FKBP15: variants seen among roughly 807,000 people sequenced by gnomAD.
FKBP15 encodes the protein FK506-binding protein 15.
In FKBP15, 106 loss-of-function variants were observed where a neutral mutation model predicts 158.1. That is an observed-to-expected ratio of 0.67 (90% confidence interval 0.57 to 0.79). The LOEUF is 0.79. Among genes scored for constraint, FKBP15 ranks in the 30% least tolerant of loss-of-function variants. The pLI is 0.00. For synonymous variants in FKBP15, 547 were observed against 548.6 expected (o/e 1.00, Z 0.04); for missense variants, 1,287 against 1,479.1 (o/e 0.87, Z 2.13).
At chr9:113,212,518 C>T (rs1037894777) in intron 1 of FKBP15, among the ~76,000 whole-genome samples, 3 of 152,114 alleles carry the variant, frequency 2.0e-5, no homozygotes, top group African/African-American at 7.2e-5. Flanking sequence ...GCTACTAACC[C>T]CAGTTTACCA....
intron 4 of FKBP15, among the ~76,000 whole-genome samples, chr9:113,204,575 G>T (rs1028001942): frequency 3.3e-5 from 5 of 152,166 alleles, no homozygotes; most frequent in African/African-American, 9.7e-5. Context: ...GTACTTTAAA[G>T]ATATAATTCT....
chr9:113,161,485 C>T lies in FKBP15; in HGVS notation c.*4593G>A, dbSNP rs748062090. 104 of 1,612,588 alleles carry T rather than the reference C, an allele frequency of 6.4e-5. No homozygotes were observed. The highest frequency in any genetic ancestry group is 7.5e-5 in the Non-Finnish European group (88 of 1,179,314). On this transcript the variant is annotated 3_prime_UTR_variant, in exon 28 of 28. Transcript: ENST00000238256. ...AAACAGTGCTGGCCTGGCCAGGTCTCCACAACTCTGCCTCCTTTGACAGGC... is the reference window on the plus strand; with the variant it reads ...AAACAGTGCTGGCCTGGCCAGGTCTTCACAACTCTGCCTCCTTTGACAGGC...
intron 14 of FKBP15, 51 bp from the exon 15 acceptor site, chr9:113,186,414 T>G: frequency 7.6e-7 from 1 of 1,318,052 alleles, no homozygotes; most frequent in Non-Finnish European, 1.1e-6. Flanking sequence ...ATGTCTTTCT[T>G]TTTTGTTCAC....
At chr9:113,186,059 ACTAAAAC>A (rs761680004) in intron 15 of FKBP15, among the ~76,000 whole-genome samples, 183 bp downstream of exon 15, 2 of 152,250 alleles carry the variant, frequency 1.3e-5, no homozygotes, top group African/African-American at 2.4e-5. Flanking sequence ...CTGCAAATTT[ACTAAAAC>A]ACTTTTGAAT....
At chr9:113,175,975 C>G (rs769589261) in intron 21 of FKBP15, among the ~76,000 whole-genome samples, 3 of 152,130 alleles carry the variant, frequency 2.0e-5, no homozygotes, top group Admixed American at 6.5e-5. Context: ...AAATATGTAG[C>G]CTTCCCTTTG....
At chr9:113,216,449 G>A (rs533135115) in intron 1 of FKBP15, among the ~76,000 whole-genome samples, 1 of 152,302 alleles carries the variant, frequency 6.6e-6, no homozygotes, top group East Asian at 1.9e-4. Flanking sequence ...AAAGGACTAA[G>A]AGGTTTAAAT....
intron 1 of FKBP15, among the ~76,000 whole-genome samples, chr9:113,217,259 C>T (rs909231117): frequency 2.9e-5 from 4 of 136,906 alleles, no homozygotes; most frequent in African/African-American, 8.4e-5. Flanking sequence ...GTCACCCAGG[C>T]TGGAGTGCAG....
rs1830090030 is a variant in FKBP15 at position 113,165,867 on chromosome 9, G to GT, written c.*210dup. 6 of 492,350 alleles carry GT rather than the reference G, an allele frequency of 1.2e-5. No individual in the cohort carries two copies. In the South Asian group the frequency reaches 1.3e-4, roughly 11 times the overall value. 30.5% of individuals were successfully genotyped at this position (492,350 alleles called of 1,614,324 possible). A position where few individuals can be genotyped will look rare whatever the true frequency, so the allele number is the denominator to read the frequency against. ...CTTCCAACTTGCTGCTGAAATCCCA[G>GT]TGTTCTTGAAGACAGGGTTATGATC... On this transcript the variant is annotated 3_prime_UTR_variant, in exon 28 of 28. Coordinates refer to ENST00000238256, the MANE Select transcript of FKBP15 (RefSeq NM_015258.2).
At chr9:113,214,876 A>G (rs1346911484) in intron 1 of FKBP15, among the ~76,000 whole-genome samples, 1 of 152,244 alleles carries the variant, frequency 6.6e-6, no homozygotes, top group Non-Finnish European at 1.5e-5. Context: ...CTTTCATGCT[A>G]TGAAGACGGC....
intron 4 of FKBP15, 88 bp downstream of exon 4, chr9:113,206,421 A>C (rs1250624715): frequency 2.0e-6 from 2 of 983,606 alleles, no homozygotes; most frequent in Non-Finnish European, 3.2e-6. Flanking sequence ...CTTCTGATAA[A>C]CAAGACATCG....
intron 19 of FKBP15, among the ~76,000 whole-genome samples, chr9:113,179,483 G>A (rs565010534): frequency 8.6e-4 from 131 of 152,212 alleles, no homozygotes; most frequent in African/African-American, 3.0e-3. Flanking sequence ...CCAACATGGT[G>A]AAACTCGGTC....
intron 14 of FKBP15, chr9:113,187,276 T>G (rs903683359): frequency 1.3e-5 from 2 of 159,196 alleles, no homozygotes; most frequent in Non-Finnish European, 2.8e-5. Flanking sequence ...ACCAAGTGTG[T>G]TGAGGCAGAA....
rs1237511860 is a variant in FKBP15 at position 113,173,541 on chromosome 9, G to A, written c.2444C>T (p.Ser815Phe). The A allele has an allele frequency of 1.9e-6, 3 of 1,613,874 alleles. No homozygotes were observed. The highest frequency in any genetic ancestry group is 2.7e-5 in the African/African-American group (2 of 74,918). ...CTGCTGCAGGTGCTCATCCTTGGCG[G>A]AGGCCAACAAATGTTCACATTTTGC... ...WEAKCEHLLA[S>F]AKDEHLQQYQ... Residue 815 changes from serine (S) to phenylalanine (F), a missense_variant, in exon 23 of 28, where the codon TCC (serine) becomes TTC (phenylalanine). Transcript: ENST00000238256.
chr9:113,218,376 A>ATTTT (rs1270841090), intron 1 of FKBP15, among the ~76,000 whole-genome samples: 1 of 42,508 alleles, frequency 2.4e-5, no homozygotes, highest in African/African-American at 1.0e-4. Flanking sequence ...AGTAAATACA[A>ATTTT]TTATATATAT....
At chr9:113,216,987 T>A (rs1442908734) in intron 1 of FKBP15, among the ~76,000 whole-genome samples, 1 of 142,582 alleles carries the variant, frequency 7.0e-6, no homozygotes, top group Non-Finnish European at 1.5e-5. Context: ...CTGTGCAACC[T>A]CCACCTCCAG....
chr9:113,176,005 T>C (rs1830293724), intron 21 of FKBP15, among the ~76,000 whole-genome samples: 1 of 152,228 alleles, frequency 6.6e-6, no homozygotes, highest in Admixed American at 6.5e-5. Context: ...TTCTTACTCA[T>C]GCAATCCATC....
At chr9:113,197,290 T>C (rs971896086) in intron 8 of FKBP15, among the ~76,000 whole-genome samples, 2 of 152,112 alleles carry the variant, frequency 1.3e-5, no homozygotes, top group African/African-American at 4.8e-5. Flanking sequence ...TGGGGTTGCA[T>C]GAAATATACT....
intron 1 of FKBP15, among the ~76,000 whole-genome samples, chr9:113,212,877 C>T (rs1173640807): frequency 6.6e-6 from 1 of 152,168 alleles, no homozygotes; most frequent in East Asian, 1.9e-4. Context: ...CCAGAACTTG[C>T]TCTTGAGTGC....
intron 23 of FKBP15, among the ~76,000 whole-genome samples, chr9:113,172,580 T>C (rs529798606): frequency 6.6e-6 from 1 of 152,314 alleles, no homozygotes. Flanking sequence ...CACGACCCTC[T>C]GCCTCAGAGA....
Sources: allele counts gnomAD v4.1 joint callset (sites outside exome capture counted in the v4.1 genomes callset), GRCh38; gene constraint gnomAD v4.1.1; transcripts MANE v1.5; gene names NCBI Gene and HGNC (gene_info 2026-07-23, HGNC 2026-07-21).